The following DLGAP4 variants were observed in gnomAD, a reference collection of about 807,000 sequenced individuals.
The protein encoded by DLGAP4 is disks large-associated protein 4.
DLGAP4 carries 18 observed loss-of-function variants against 86.9 expected under a neutral mutation model. The ratio of observed to expected loss-of-function variants is 0.21; its 90% CI spans 0.14 to 0.31. DLGAP4 has a LOEUF of 0.31. DLGAP4 is among the 10% of genes least tolerant of loss of function. DLGAP4 has a pLI of 1.00. For synonymous variants in DLGAP4, 548 were observed against 574.3 expected (o/e 0.95, Z 0.65); for missense variants, 1,085 against 1,362.6 (o/e 0.80, Z 3.21).
chr20:36,376,786 C>T (rs900486693), intron 2 of DLGAP4, among the ~76,000 whole-genome samples: 4 of 152,156 alleles, frequency 2.6e-5, no homozygotes, highest in Non-Finnish European at 5.9e-5. Flanking sequence ...CAGGGTCCCG[C>T]GTCTCTTCCC....
intron 2 of DLGAP4, among the ~76,000 whole-genome samples, chr20:36,384,593 G>T (rs2031529107): frequency 6.6e-6 from 1 of 152,180 alleles, no homozygotes; most frequent in African/African-American, 2.4e-5. Flanking sequence ...TAATAGGAAG[G>T]TTGTTGGTAG....
intron 10 of DLGAP4, among the ~76,000 whole-genome samples, chr20:36,521,738 T>TTATC (rs2037391532): frequency 1.3e-5 from 2 of 152,192 alleles, no homozygotes; most frequent in Admixed American, 1.3e-4. Flanking sequence ...AGCCCCTGTT[T>TTATC]TATCTCTTTC....
intron 7 of DLGAP4, among the ~76,000 whole-genome samples, chr20:36,449,250 C>T (rs1178030037): frequency 6.6e-6 from 1 of 152,216 alleles, no homozygotes; most frequent in Non-Finnish European, 1.5e-5. Context: ...CTCCTCGCCA[C>T]TCAGCTTCTT....
chr20:36,526,598 G>GGAGTC (rs1569527806), intron 12 of DLGAP4, among the ~76,000 whole-genome samples: 1 of 151,982 alleles, frequency 6.6e-6, no homozygotes, highest in African/African-American at 2.4e-5. Context: ...GAGCGCTCTC[G>GGAGTC]GAGTCTAGGC....
At chr20:36,352,156 G>A (rs1555893517) in intron 1 of DLGAP4, among the ~76,000 whole-genome samples, 1 of 151,318 alleles carries the variant, frequency 6.6e-6, no homozygotes, top group Non-Finnish European at 1.5e-5. Context: ...TGGAGCAGCT[G>A]CAACTGAAGA....
chr20:36,309,540 G>T (rs1316568519), intron 1 of DLGAP4, among the ~76,000 whole-genome samples: 1 of 152,180 alleles, frequency 6.6e-6, no homozygotes, highest in Non-Finnish European at 1.5e-5. Context: ...ATTTAGCCAG[G>T]ATCTGTGGGA....
At chr20:36,363,398 C>T (rs2030584746) in intron 1 of DLGAP4, among the ~76,000 whole-genome samples, 1 of 152,212 alleles carries the variant, frequency 6.6e-6, no homozygotes, top group African/African-American at 2.4e-5. Flanking sequence ...GGCTTCTGTG[C>T]TGGGAGCAAG....
intron 1 of DLGAP4, among the ~76,000 whole-genome samples, chr20:36,336,829 C>T (rs1295059441): frequency 2.6e-5 from 4 of 152,184 alleles, no homozygotes; most frequent in East Asian, 1.9e-4. Flanking sequence ...GCTTTGCTCC[C>T]GCCTGCTGTG....
intron 2 of DLGAP4, among the ~76,000 whole-genome samples, chr20:36,429,971 C>T (rs2147535629): frequency 6.6e-6 from 1 of 152,314 alleles, no homozygotes; most frequent in African/African-American, 2.4e-5. Context: ...TCTGCTCCAG[C>T]CACACTGACT....
At chr20:36,513,740 T>G (rs1272796778) in intron 10 of DLGAP4, among the ~76,000 whole-genome samples, 5 of 152,114 alleles carry the variant, frequency 3.3e-5, no homozygotes, top group Non-Finnish European at 7.4e-5. Context: ...TAGAACAGGA[T>G]TTCTCGACAG....
chr20:36,497,454 C>T (rs988194338), intron 8 of DLGAP4: 7 of 1,048,954 alleles, frequency 6.7e-6, no homozygotes, highest in South Asian at 3.5e-5. Context: ...AAGGTCAGCT[C>T]GGGTGCGGAG....
intron 6 of DLGAP4, among the ~76,000 whole-genome samples, chr20:36,444,854 G>A (rs2033549097): frequency 2.6e-5 from 4 of 151,284 alleles, no homozygotes. Context: ...TGGCCAGGCT[G>A]GTCTTGAACT....
At chr20:36,373,125 A>C (rs1455293478) in intron 2 of DLGAP4, among the ~76,000 whole-genome samples, 1 of 152,230 alleles carries the variant, frequency 6.6e-6, no homozygotes, top group Non-Finnish European at 1.5e-5. Flanking sequence ...GGTGAGCTCT[A>C]TTTTGATTTT....
intron 7 of DLGAP4, among the ~76,000 whole-genome samples, chr20:36,495,577 G>A (rs901723617): frequency 6.6e-6 from 1 of 152,206 alleles, no homozygotes; most frequent in African/African-American, 2.4e-5. Flanking sequence ...AGTTCTCATC[G>A]TCTGAGAAGC....
At chr20:36,348,917 A>G (rs1221685371) in intron 1 of DLGAP4, among the ~76,000 whole-genome samples, 9 of 150,374 alleles carry the variant, frequency 6.0e-5, no homozygotes, top group Non-Finnish European at 1.5e-5. Flanking sequence ...CCTGGCCAAT[A>G]TGGTAAAGCC....
At chr20:36,384,944 T>C (rs556576184) in intron 2 of DLGAP4, among the ~76,000 whole-genome samples, 1 of 152,284 alleles carries the variant, frequency 6.6e-6, no homozygotes, top group South Asian at 2.1e-4. Context: ...TTTACAGATA[T>C]GGAAGTGGAA....
At chr20:36,319,302 G>T (rs2065142758) in intron 1 of DLGAP4, among the ~76,000 whole-genome samples, 1 of 152,166 alleles carries the variant, frequency 6.6e-6, no homozygotes, top group Non-Finnish European at 1.5e-5. Flanking sequence ...ACCTCTCTCA[G>T]CCTCAGTTTC....
At position 36,432,784 on chromosome 20, in the gene DLGAP4, C is replaced by G; in HGVS notation, c.999+68C>G. The G allele has an allele frequency of 6.4e-7, 1 of 1,554,680 alleles. No homozygotes were observed. The highest frequency in any genetic ancestry group is 8.7e-7 in the Non-Finnish European group (1 of 1,144,476). ...GACGGCACCAGTTTTGAGGCCTAGA[C>G]GTACCACAGATTCACTTGGAAAGTC... On this transcript the variant is annotated intron_variant, in intron 3 of 12. Coordinates refer to ENST00000339266, the MANE Select transcript of DLGAP4 (RefSeq NM_001365621.2). The surrounding 1 kb of genome is among the most constrained non-coding windows in gnomAD (Gnocchi z 6.5).
chr20:36,338,539 T>G (rs1232335303), intron 1 of DLGAP4, among the ~76,000 whole-genome samples: 1 of 152,166 alleles, frequency 6.6e-6, no homozygotes. Flanking sequence ...GTCATTGCAC[T>G]CCAGCCTGGG....
Sources: allele counts gnomAD v4.1 joint callset (sites outside exome capture counted in the v4.1 genomes callset), GRCh38; gene constraint gnomAD v4.1.1; non-coding constraint Gnocchi (gnomAD v3.1); transcripts MANE v1.5; gene names NCBI Gene and HGNC (gene_info 2026-07-23, HGNC 2026-07-21).